Variants in CADM2 observed in about 807,000 individuals in gnomAD.
CADM2 encodes cell adhesion molecule 2.
In CADM2, 12 loss-of-function variants were observed where a neutral mutation model predicts 49.8. The ratio of observed to expected loss-of-function variants is 0.24; its 90% CI spans 0.15 to 0.39. The LOEUF (loss-of-function observed/expected upper bound fraction) is 0.39, where lower values mean the gene tolerates loss of function less well. CADM2 is among the 10% of genes least tolerant of loss of function. The probability of loss-of-function intolerance (pLI) is 1.00; values close to 1 mark genes in which losing one functional copy is unlikely to be tolerated. For missense variants in CADM2, 378 were observed against 492.3 expected (o/e 0.77, Z 2.20); for synonymous variants, 214 against 175.4 (o/e 1.22, Z -1.74).
chr3:85,288,343 C>A lies in CADM2; in HGVS notation c.61+328675C>A, dbSNP rs887462066. ...ACAATCTGCAACCATTATTATTTGT[C>A]AGCTTTTAAAATGCAATTTTCCTGT... On this transcript the variant is annotated intron_variant, in intron 1 of 9. Transcript: ENST00000383699. Among the ~76,000 whole-genome samples, 5 of 152,060 alleles carry A rather than the reference C, an allele frequency of 3.3e-5. No homozygotes were observed. The South Asian group carries it at 8.3e-4, about 25-fold the overall frequency.
intron 1 of CADM2, among the ~76,000 whole-genome samples, chr3:85,029,887 A>G (rs1559625029): frequency 6.6e-6 from 1 of 152,200 alleles, no homozygotes; most frequent in African/African-American, 2.4e-5. Context: ...CACATTTAGC[A>G]TCTTACACAG....
intron 1 of CADM2, among the ~76,000 whole-genome samples, chr3:85,613,366 A>G (rs1418330033): frequency 1.3e-5 from 2 of 151,844 alleles, no homozygotes; most frequent in Middle Eastern, 6.8e-3. Context: ...TTGGAATTGC[A>G]TTACATTTTT....
chr3:85,728,094 C>T (rs944503370), intron 2 of CADM2, among the ~76,000 whole-genome samples: 11 of 152,148 alleles, frequency 7.2e-5, no homozygotes, highest in South Asian at 4.1e-4. Context: ...AATTATAATA[C>T]GCAGGCTGCT....
At chr3:85,242,179 T>G (rs1559738975) in intron 1 of CADM2, among the ~76,000 whole-genome samples, 1 of 151,338 alleles carries the variant, frequency 6.6e-6, no homozygotes, top group African/African-American at 2.4e-5. Flanking sequence ...CTACTTAGAC[T>G]CTATGAGTAT....
intron 1 of CADM2, among the ~76,000 whole-genome samples, chr3:85,095,679 C>G (rs2107532226): frequency 6.6e-6 from 1 of 152,184 alleles, no homozygotes; most frequent in South Asian, 2.1e-4. Flanking sequence ...TTCTTTGGCC[C>G]AAACATTTTG....
At chr3:85,638,588 A>G (rs915103308) in intron 1 of CADM2, among the ~76,000 whole-genome samples, 3 of 152,040 alleles carry the variant, frequency 2.0e-5, no homozygotes, top group African/African-American at 7.2e-5. Flanking sequence ...GTTTTATTTG[A>G]GCATTTTTAC....
chr3:85,784,554 CTA>C, intron 2 of CADM2, among the ~76,000 whole-genome samples: 1 of 150,772 alleles, frequency 6.6e-6, no homozygotes, highest in Middle Eastern at 3.4e-3. Context: ...ATCTATCTAT[CTA>C]TCTATCTATC....
chr3:85,819,223 C>T (rs957735143), intron 3 of CADM2, among the ~76,000 whole-genome samples: 2 of 152,138 alleles, frequency 1.3e-5, no homozygotes, highest in Non-Finnish European at 2.9e-5. Flanking sequence ...CCACCTTTTC[C>T]TGCCTGCTTT....
chr3:85,236,733 C>A (rs977415362), intron 1 of CADM2, among the ~76,000 whole-genome samples: 1 of 151,966 alleles, frequency 6.6e-6, no homozygotes, highest in Non-Finnish European at 1.5e-5. Flanking sequence ...TCTTCACATA[C>A]GTATTAATGG....
chr3:85,743,083 G>A, intron 2 of CADM2, among the ~76,000 whole-genome samples: 1 of 152,002 alleles, frequency 6.6e-6, no homozygotes, highest in East Asian at 1.9e-4. Context: ...CCCTGAAGCT[G>A]CATCCCTGTT....
chr3:85,953,886 AGGAC>A (rs1485889111), intron 7 of CADM2, among the ~76,000 whole-genome samples: 2 of 150,958 alleles, frequency 1.3e-5, no homozygotes, highest in Admixed American at 1.3e-4. Flanking sequence ...AGTGTAGAAT[AGGAC>A]ATTTTCTGTT....
chr3:85,534,130 A>G, intron 1 of CADM2, among the ~76,000 whole-genome samples: 1 of 151,528 alleles, frequency 6.6e-6, no homozygotes, highest in Non-Finnish European at 1.5e-5. Flanking sequence ...GAAAATAATA[A>G]TTTTTTTTTA....
intron 2 of CADM2, among the ~76,000 whole-genome samples, chr3:85,760,184 T>C (rs1559637990): frequency 6.6e-6 from 1 of 152,148 alleles, no homozygotes; most frequent in Non-Finnish European, 1.5e-5. Context: ...AATGTTTTTC[T>C]AAAAATCAAA....
intron 1 of CADM2, among the ~76,000 whole-genome samples, chr3:85,325,744 C>T (rs997846551): frequency 7.4e-5 from 11 of 149,258 alleles, no homozygotes; most frequent in Non-Finnish European, 3.0e-5. Flanking sequence ...AGAAGATTAT[C>T]ATTTAATTTT....
intron 1 of CADM2, among the ~76,000 whole-genome samples, chr3:85,000,487 T>C (rs1483360992): frequency 6.6e-6 from 1 of 152,106 alleles, no homozygotes; most frequent in Non-Finnish European, 1.5e-5. Flanking sequence ...GTTGCTAATA[T>C]GCTGATACTT....
At chr3:85,232,782 T>G (rs1295254526) in intron 1 of CADM2, among the ~76,000 whole-genome samples, 2 of 152,164 alleles carry the variant, frequency 1.3e-5, no homozygotes, top group African/African-American at 4.8e-5. Flanking sequence ...TGACTCTCAT[T>G]CATGGATGTT....
chr3:85,312,636 G>A (rs2044373694), intron 1 of CADM2, among the ~76,000 whole-genome samples: 1 of 151,924 alleles, frequency 6.6e-6, no homozygotes, highest in African/African-American at 2.4e-5. Context: ...AGTTTACTTT[G>A]TTAATACTCA....
intron 1 of CADM2, among the ~76,000 whole-genome samples, chr3:85,537,565 C>A (rs12493445): frequency 0.082 from 12,389 of 151,582 alleles, 983 homozygotes; most frequent in African/African-American, 0.19. Flanking sequence ...GTGTTTATTT[C>A]CACAAATAGA....
intron 1 of CADM2, among the ~76,000 whole-genome samples, chr3:85,227,357 T>G (rs1348267703): frequency 2.0e-5 from 3 of 152,174 alleles, no homozygotes; most frequent in Non-Finnish European, 4.4e-5. Context: ...CTTGTTGCTT[T>G]GATTCCTTTA....
Sources: allele counts gnomAD v4.1 joint callset (sites outside exome capture counted in the v4.1 genomes callset), GRCh38; gene constraint gnomAD v4.1.1; transcripts MANE v1.5; gene names NCBI Gene and HGNC (gene_info 2026-07-23, HGNC 2026-07-21).